DMD: variants seen among roughly 807,000 people sequenced by gnomAD.
The protein encoded by DMD is dystrophin, also known as mutant dystrophin.
DMD carries 63 observed loss-of-function variants against 330.1 expected under a neutral mutation model. The ratio of observed to expected loss-of-function variants is 0.19; its 90% CI spans 0.16 to 0.24. DMD has a LOEUF of 0.24. DMD is among the 10% of genes least tolerant of loss of function. The pLI is 1.00. For missense variants in DMD, 3,344 were observed against 2,684.1 expected (o/e 1.25, Z -5.43); for synonymous variants, 1,223 against 959.8 (o/e 1.27, Z -5.07).
intron 53 of DMD, among the ~76,000 whole-genome samples, chrX:31,670,272 G>C (rs889484405): frequency 3.6e-5 from 4 of 111,492 alleles, no homozygotes; most frequent in African/African-American, 1.3e-4. Context: ...TTCTAATCTG[G>C]ATGTCTTTTA....
intron 50 of DMD, among the ~76,000 whole-genome samples, chrX:31,785,930 C>A (rs966602000): frequency 8.9e-6 from 1 of 111,822 alleles, no homozygotes; most frequent in Non-Finnish European, 1.9e-5. Context: ...TGTGTCTTTA[C>A]AGTAGAATGA....
intron 51 of DMD, among the ~76,000 whole-genome samples, chrX:31,766,702 G>A (rs1207808596): frequency 1.8e-5 from 2 of 112,187 alleles, no homozygotes; most frequent in Non-Finnish European, 3.8e-5. Flanking sequence ...GATTTTGACA[G>A]AAAAGTTTAC....
chrX:32,679,706 T>G (rs1477524918), intron 9 of DMD, among the ~76,000 whole-genome samples: 1 of 109,139 alleles, frequency 9.2e-6, no homozygotes, highest in Non-Finnish European at 1.9e-5. Context: ...GGGGGTAGAT[T>G]TAGGTAAATA....
intron 1 of DMD, among the ~76,000 whole-genome samples, chrX:33,325,689 T>C (rs1049690473): frequency 1.8e-5 from 2 of 112,290 alleles, no homozygotes; most frequent in Non-Finnish European, 3.8e-5. Flanking sequence ...AAAATGGAAG[T>C]AGATATTTGC....
Position 32,389,548 on chromosome X carries a change from T to C in DMD, c.4471A>G (p.Lys1491Glu), listed in dbSNP as rs1215768839. The change falls in exon 32 of 79, where the codon AAG (lysine) becomes GAG (glutamate). Residue 1491 changes from lysine to glutamate, a missense_variant. Transcript: ENST00000357033. ...VKMHLPALET[K>E]SVEQEVVQSQ... ...TGTACTACTTCCTGTTCCACACTCT[T>C]TGTTTCCAATGCAGGCAAGTGCATC... The C allele has an allele frequency of 8.3e-7, 1 of 1,211,243 alleles. No homozygotes were observed. Among genetic ancestry groups the C allele is most frequent in the African/African-American group, 1.7e-5 (1 of 57,825 alleles).
chrX:32,299,699 C>T (rs2097514070), intron 42 of DMD, among the ~76,000 whole-genome samples: 1 of 110,853 alleles, frequency 9.0e-6, no homozygotes, highest in Non-Finnish European at 1.9e-5. Flanking sequence ...TGCTCAGGAC[C>T]TCCGTTTCTC....
At chrX:32,650,278 A>C (rs1014606869) in intron 9 of DMD, among the ~76,000 whole-genome samples, 1 of 111,820 alleles carries the variant, frequency 8.9e-6, no homozygotes, top group Non-Finnish European at 1.9e-5. Flanking sequence ...CTGGATCAAA[A>C]ACAGTTTTAT....
Position 32,288,795 on chromosome X carries a change from A to C in DMD, c.6118-1094T>G, listed in dbSNP as rs144970784. Among the ~76,000 whole-genome samples the C allele has an allele frequency of 3.6e-3, 408 of 112,040 alleles. 3 individuals are homozygous for C. The highest frequency in any genetic ancestry group is 0.012 in the African/African-American group (384 of 30,852). On this transcript the variant is annotated intron_variant, in intron 42 of 78. Transcript: ENST00000357033. ...AAAATGGGAGACTGGAGAGAGAAAA[A>C]AATTATGTTTTAAGAACTATGGTAC...
chrX:31,125,576 C>T (rs2033529864), intron 78 of DMD, among the ~76,000 whole-genome samples: 1 of 112,008 alleles, frequency 8.9e-6, no homozygotes, highest in African/African-American at 3.2e-5. Context: ...GGAGAGCTTT[C>T]CTTCTCTCCT....
intron 2 of DMD, among the ~76,000 whole-genome samples, chrX:32,858,570 C>T (rs184751348): frequency 8.1e-4 from 90 of 111,447 alleles, no homozygotes; most frequent in Middle Eastern, 9.4e-3. Context: ...CCTTGTGATC[C>T]GCCTCCCTCA....
intron 2 of DMD, among the ~76,000 whole-genome samples, chrX:32,909,343 C>T (rs1169272889): frequency 9.0e-6 from 1 of 111,200 alleles, no homozygotes; most frequent in Non-Finnish European, 1.9e-5. Context: ...AAACTCAATA[C>T]ATATTAGGGA....
At chrX:33,225,021 CA>C (rs374576911) in intron 1 of DMD, among the ~76,000 whole-genome samples, 3 of 109,956 alleles carry the variant, frequency 2.7e-5, no homozygotes, top group Non-Finnish European at 5.7e-5. Flanking sequence ...ATGGTGAAAG[CA>C]AAAAAAAGTT....
chrX:33,228,382 G>A (rs774095113), intron 1 of DMD, among the ~76,000 whole-genome samples: 17 of 108,262 alleles, frequency 1.6e-4, no homozygotes, highest in Non-Finnish European at 2.3e-4. Context: ...TAGCAAATGA[G>A]GTACATTTAA....
chrX:32,609,162 G>A (rs2056966470), intron 12 of DMD, among the ~76,000 whole-genome samples: 1 of 110,459 alleles, frequency 9.1e-6, no homozygotes, highest in South Asian at 3.8e-4. Context: ...AGAATGCTTT[G>A]TACCTGTTTA....
chrX:33,068,574 C>T (rs778146321), intron 1 of DMD, among the ~76,000 whole-genome samples: 9 of 112,177 alleles, frequency 8.0e-5, no homozygotes, highest in Non-Finnish European at 1.3e-4. Context: ...AACAACAGTG[C>T]GTAGATATGT....
intron 44 of DMD, among the ~76,000 whole-genome samples, chrX:32,135,849 C>T (rs986554547): frequency 1.8e-5 from 2 of 112,145 alleles, no homozygotes; most frequent in African/African-American, 6.5e-5. Flanking sequence ...TTGCAGCTAT[C>T]GTTACTATAC....
intron 44 of DMD, among the ~76,000 whole-genome samples, chrX:32,097,369 T>C: frequency 9.0e-6 from 1 of 110,973 alleles, no homozygotes; most frequent in Non-Finnish European, 1.9e-5. Flanking sequence ...TCCATTCCTG[T>C]GTTAGTTTGC....
intron 42 of DMD, among the ~76,000 whole-genome samples, chrX:32,306,503 G>A (rs1407708095): frequency 1.8e-5 from 2 of 110,923 alleles, no homozygotes; most frequent in African/African-American, 3.3e-5. Context: ...ATATGGCCAC[G>A]TTTTTCATCA....
chrX:31,444,645 A>C lies in DMD; in HGVS notation c.8938-18T>G, dbSNP rs747024799. 2.5e-6 allele frequency: 3 copies of C among 1,208,147 alleles called. No homozygotes were observed. The African/African-American group carries it at 5.3e-5, about 21-fold the overall frequency. Reference sequence around the variant, plus strand: ...CGAAGTGCCTGTGTGCAATAGTCAAAAGCAAATTGGAAGATGAGAATATTT... The same window carrying C: ...CGAAGTGCCTGTGTGCAATAGTCAACAGCAAATTGGAAGATGAGAATATTT... On this transcript the variant is annotated intron_variant, in intron 59 of 78. Coordinates refer to ENST00000357033, the MANE Select transcript of DMD (RefSeq NM_004006.3).
Sources: gnomAD v4.1 joint callset for allele counts (sites outside exome capture counted in the v4.1 genomes callset) on GRCh38, gnomAD v4.1.1 for gene constraint, MANE v1.5 for transcripts, NCBI Gene and HGNC (gene_info 2026-07-23, HGNC 2026-07-21) for gene names.